Variants in TTLL2 observed in about 807,000 individuals in gnomAD.
TTLL2 encodes tubulin tyrosine ligase like 2, also known as probable tubulin polyglutamylase TTLL2.
In TTLL2, 10 loss-of-function variants were observed where a neutral mutation model predicts 7.5. The ratio of observed to expected loss-of-function variants is 1.33; its 90% CI spans 0.82 to 2.25. TTLL2 has a LOEUF of 2.25. Ranked by LOEUF, TTLL2 falls within the 30% of genes most tolerant of loss-of-function variation. TTLL2 has a pLI of 0.00. For synonymous variants in TTLL2, 284 were observed against 280.3 expected, an observed-to-expected ratio of 1.01 and a Z score of -0.13; for missense variants, 733 against 735.7, an observed-to-expected ratio of 1.00 and a Z score of 0.04.
chr6:167,327,637 T>A lies in TTLL2; in HGVS notation c.47+2417T>A, dbSNP rs1419308916. Among the ~76,000 whole-genome samples, 3 of 152,178 alleles carry A rather than the reference T, an allele frequency of 2.0e-5. No individual in the cohort carries two copies. The East Asian group carries it at 5.8e-4, about 29-fold the overall frequency. ...CCAAGATGGCATATAGGTTTTTACA[T>A]ATTTACGGCTTGGCTACAGGGGTGG... On this transcript the variant is annotated intron_variant, in intron 1 of 2. Transcript: ENST00000239587.
At chr6:167,330,580 AAAAG>A (rs958397128) in intron 1 of TTLL2, among the ~76,000 whole-genome samples, 1 of 152,140 alleles carries the variant, frequency 6.6e-6, no homozygotes, top group African/African-American at 2.4e-5. Flanking sequence ...AAAAAAAGAA[AAAAG>A]AAAGAAAGAA....
In TTLL2 at chr6:167,329,078, C is replaced by A. The variant is rs139801746; in HGVS notation, c.47+3858C>A. On this transcript the variant is annotated intron_variant, in intron 1 of 2. Transcript: ENST00000239587. ...TTGACAAAAGAGCACTTTCAGTGTC[C>A]GCAGTTCAAAGGGCCCATCCCTCTC... Among the ~76,000 whole-genome samples the A allele has an allele frequency of 2.6e-5, 4 of 151,964 alleles. No individual in the cohort carries two copies. In the East Asian group the frequency reaches 7.7e-4, roughly 29 times the overall value.
rs947214424 is a variant in TTLL2 at position 167,338,776 on chromosome 6, C to T, written c.177C>T (p.Gly59=). 1 of 1,612,754 alleles carries T rather than the reference C, an allele frequency of 6.2e-7. No individual in the cohort carries two copies. Among genetic ancestry groups the T allele is most frequent in the African/African-American group, 1.3e-5 (1 of 75,004 alleles). ...GTGTTTCCATCCCTCCCAGGCGAGG[C>T]CGCCCAACACCAACACTGGAGAAGA... ...EAGVSIPPRR[G]RPTPTLEKKK... is the part of the protein sequence containing the mutation. Residue 59 remains glycine (G), a synonymous_variant, in exon 2 of 3, where the codon GGC becomes GGT. Transcript: ENST00000239587.
intron 1 of TTLL2, among the ~76,000 whole-genome samples, chr6:167,335,928 A>G (rs1415924527): frequency 6.6e-6 from 1 of 151,178 alleles, no homozygotes; most frequent in Non-Finnish European, 1.5e-5. Context: ...ATATGTAACT[A>G]ACCTGCACAA....
In TTLL2 at chr6:167,331,176, G is replaced by T. The variant is rs3010553; in HGVS notation, c.47+5956G>T. ...ATTCATTGGGTACTAGTGAAGTTTT[G>T]TTATGTATAATGTATAACGATCTGA... On this transcript the variant is annotated intron_variant, in intron 1 of 2. Coordinates refer to ENST00000239587, the MANE Select transcript of TTLL2 (RefSeq NM_031949.5). 2.2e-4 allele frequency among the ~76,000 whole-genome samples: 34 copies of T among 152,202 alleles called. 1 individual carries two copies. The highest frequency in any genetic ancestry group is 6.8e-3 in the Middle Eastern group (2 of 294).
At chr6:167,339,846 A>G (rs925296144) in intron 2 of TTLL2, among the ~76,000 whole-genome samples, 2 of 152,210 alleles carry the variant, frequency 1.3e-5, no homozygotes, top group East Asian at 3.8e-4. Context: ...CATTTTTAAC[A>G]TGTTACTAAC....
chr6:167,340,844 T>C lies in TTLL2; in HGVS notation c.944T>C (p.Val315Ala). 6.2e-7 allele frequency: 1 copy of C among 1,614,134 alleles called. No individual in the cohort carries two copies. The change falls in exon 3 of 3, where the codon GTG (valine) becomes GCG (alanine). Residue 315 changes from valine (V) to alanine (A), a missense_variant. Coordinates refer to ENST00000239587, the MANE Select transcript of TTLL2 (RefSeq NM_031949.5). The stretch of plus-strand genomic sequence containing the variant: ...GCCTCTTATGAGAAGATCAAAGAAG[T>C]GATTGGTCATGGTTGTAAATGGACG... ...SGASYEKIKE[V>A]IGHGCKWTLS...
chr6:167,338,867 C>CCTTCCTTCCTTCCTTCCTTT lies in TTLL2; in HGVS notation c.204+64_204+65insCTTCCTTCCTTCCTTCCTTT, dbSNP rs1201158018. On this transcript the variant is annotated intron_variant, in intron 2 of 2. Coordinates refer to ENST00000239587, the MANE Select transcript of TTLL2 (RefSeq NM_031949.5). ...TCCTTCCTTCCTTCCTTCCTTCCTT[C>CCTTCCTTCCTTCCTTCCTTT]TTTCCTCCTTCTTTTTTCCCCTCCC... 4.8e-6 allele frequency: 7 copies of CCTTCCTTCCTTCCTTCCTTT among 1,459,660 alleles called. No individual in the cohort carries two copies. The African/African-American group carries it at 1.0e-4, about 21-fold the overall frequency. 90.4% of individuals were successfully genotyped at this position (1,459,660 alleles called of 1,614,324 possible). A position where few individuals can be genotyped will look rare whatever the true frequency, so the allele number is the denominator to read the frequency against.
chr6:167,327,594 A>G (rs1254221543), intron 1 of TTLL2, among the ~76,000 whole-genome samples: 1 of 152,200 alleles, frequency 6.6e-6, no homozygotes, highest in African/African-American at 2.4e-5. Flanking sequence ...AGCTGTGTGT[A>G]TGAATTTTAC....
chr6:167,341,252 A>C lies in TTLL2; in HGVS notation c.1352A>C (p.Asp451Ala). 6.2e-7 allele frequency: 1 copy of C among 1,613,628 alleles called. No homozygotes were observed. Among genetic ancestry groups the C allele is most frequent in the Middle Eastern group, 1.6e-4 (1 of 6,062 alleles). Residue 451 changes from aspartate (D) to alanine (A), a missense_variant, in exon 3 of 3, where the codon GAC becomes GCC. Physicochemically the swap from Asp to Ala is moderately radical, Grantham distance 126 (BLOSUM62 -2). Coordinates refer to ENST00000239587, the MANE Select transcript of TTLL2 (RefSeq NM_031949.5). Reference protein sequence around the residue: ...KSDRGGLDAPDCLPYDSLSFT... With the variant: ...KSDRGGLDAPACLPYDSLSFT... ...GACAGAGGTGGGCTTGATGCTCCTG[A>C]CTGTCTTCCTTATGATTCTCTTTCG...
Position 167,330,335 on chromosome 6 carries a change from A to G in TTLL2, c.47+5115A>G, listed in dbSNP as rs142144040. Among the ~76,000 whole-genome samples, 530 of 152,270 alleles carry G rather than the reference A, an allele frequency of 3.5e-3. 5 individuals are homozygous for G. Among genetic ancestry groups the G allele is most frequent in the African/African-American group, 0.012 (501 of 41,530 alleles). ...CACTTTGGGAGGCTGAGGCAGGTGGATCACCTGAGGTCAGGGGTTTGAGAC... is the reference window on the plus strand; with the variant it reads ...CACTTTGGGAGGCTGAGGCAGGTGGGTCACCTGAGGTCAGGGGTTTGAGAC... On this transcript the variant is annotated intron_variant, in intron 1 of 2. Transcript: ENST00000239587.
chr6:167,341,387 A>G lies in TTLL2; in HGVS notation c.1487A>G (p.Asp496Gly). The change falls in exon 3 of 3, where the codon GAT becomes GGT. Residue 496 changes from aspartate (D) to glycine (G), a missense_variant. Asp to Gly is a moderately conservative substitution (Grantham distance 94, BLOSUM62 -1). Coordinates refer to ENST00000239587, the MANE Select transcript of TTLL2 (RefSeq NM_031949.5). Reference sequence around the variant, plus strand: ...CTGGAAGGAGAGATGAGTGGGCAGGATTTTCATCTGTCAACAAGGGAGATG... The same window carrying G: ...CTGGAAGGAGAGATGAGTGGGCAGGGTTTTCATCTGTCAACAAGGGAGATG... ...SQLEGEMSGQ[D>G]FHLSTREMPQ... 1.2e-6 allele frequency: 2 copies of G among 1,613,774 alleles called. No individual in the cohort carries two copies. The highest frequency in any genetic ancestry group is 1.7e-6 in the Non-Finnish European group (2 of 1,179,984).
At position 167,341,847 on chromosome 6, in the gene TTLL2, C is replaced by A; in HGVS notation, c.*168C>A. On this transcript the variant is annotated 3_prime_UTR_variant, in exon 3 of 3. Transcript: ENST00000239587. ...TATAAATATAACAGCTCTGACAAAG[C>A]ACAATATGTTCAAGTGGTGATTAAA... 1 of 711,778 alleles carries A rather than the reference C, an allele frequency of 1.4e-6. No individual in the cohort carries two copies. Among genetic ancestry groups the A allele is most frequent in the Non-Finnish European group, 2.2e-6 (1 of 445,332 alleles). 44.1% of individuals were successfully genotyped at this position (711,778 alleles called of 1,614,324 possible).
chr6:167,341,499 C>G lies in TTLL2; in HGVS notation c.1599C>G (p.Cys533Trp). ...PYASLFQSHS[C>W]KTKTSPCVLS... ...CGTCCCTCTTCCAGTCGCACTCCTG[C>G]AAGACCAAGACCTCCCCGTGTGTCC... The change falls in exon 3 of 3, where the codon TGC (cysteine) becomes TGG (tryptophan). Residue 533 changes from cysteine to tryptophan, a missense_variant. Coordinates refer to ENST00000239587, the MANE Select transcript of TTLL2 (RefSeq NM_031949.5). 7 of 1,614,144 alleles carry G rather than the reference C, an allele frequency of 4.3e-6. No individual in the cohort carries two copies. The highest frequency in any genetic ancestry group is 5.9e-6 in the Non-Finnish European group (7 of 1,180,036).
intron 1 of TTLL2, among the ~76,000 whole-genome samples, chr6:167,335,828 G>A (rs111590942): frequency 6.6e-5 from 8 of 121,194 alleles, no homozygotes; most frequent in African/African-American, 1.9e-4. Context: ...TGGTGGGGTG[G>A]GGGGAGGGGG....
chr6:167,335,534 C>T (rs879775970), intron 1 of TTLL2, among the ~76,000 whole-genome samples: 46 of 143,310 alleles, frequency 3.2e-4, no homozygotes, highest in Non-Finnish European at 5.8e-4. Context: ...ATGTTTATTG[C>T]GGCATTATTC....
intron 1 of TTLL2, among the ~76,000 whole-genome samples, chr6:167,335,773 A>T (rs1778976062): frequency 6.9e-6 from 1 of 144,092 alleles, no homozygotes; most frequent in East Asian, 2.1e-4. Flanking sequence ...TTGAACATTG[A>T]GATCACATGG....
Position 167,341,760 on chromosome 6 carries a change from A to T in TTLL2, c.*81A>T. Reference sequence around the variant, plus strand: ...CTGTCCTAGAGAAAGCAATAGTTCAAGTCCCTACCTGTGCCACCAGCATGT... The same window carrying T: ...CTGTCCTAGAGAAAGCAATAGTTCATGTCCCTACCTGTGCCACCAGCATGT... On this transcript the variant is annotated 3_prime_UTR_variant, in exon 3 of 3. Coordinates refer to ENST00000239587, the MANE Select transcript of TTLL2 (RefSeq NM_031949.5). 1 of 1,420,294 alleles carries T rather than the reference A, an allele frequency of 7.0e-7. No homozygotes were observed. The highest frequency in any genetic ancestry group is 9.3e-7 in the Non-Finnish European group (1 of 1,075,248). The allele number at this position is 1,420,294 out of a possible 1,614,324, so 88.0% of individuals were successfully genotyped here.
rs775815927 is a variant in TTLL2 at position 167,338,733 on chromosome 6, C to T, written c.134C>T (p.Ala45Val). 6.2e-7 allele frequency: 1 copy of T among 1,614,000 alleles called. No individual in the cohort carries two copies. Among genetic ancestry groups the T allele is most frequent in the African/African-American group, 1.3e-5 (1 of 74,912 alleles). ...GAGCAGCCGCCTGCAGGCCTGGGAG[C>T]AAGGCTACAGGAAGCAGGTGTTTCC... The part of the protein sequence containing the change: ...HTEQPPAGLG[A>V]RLQEAGVSIP... Residue 45 changes from alanine to valine, a missense_variant, in exon 2 of 3, where the codon GCA becomes GTA. By Grantham distance (64) the Ala-to-Val change is moderately conservative. Coordinates refer to ENST00000239587, the MANE Select transcript of TTLL2 (RefSeq NM_031949.5).
Sources: allele counts gnomAD v4.1 joint callset (sites outside exome capture counted in the v4.1 genomes callset), GRCh38; gene constraint gnomAD v4.1.1; transcripts MANE v1.5; gene names NCBI Gene and HGNC (gene_info 2026-07-23, HGNC 2026-07-21).